The following TSNARE1 variants were observed in gnomAD, a reference collection of about 807,000 sequenced individuals.
TSNARE1 encodes the protein t-SNARE domain-containing protein 1.
In TSNARE1, 49 loss-of-function variants were observed where a neutral mutation model predicts 62.0. The ratio of observed to expected loss-of-function variants is 0.79; its 90% CI spans 0.63 to 1.00. The LOEUF (loss-of-function observed/expected upper bound fraction) is 1.00, where lower values mean the gene tolerates loss of function less well. Ranked by LOEUF, TSNARE1 falls within the 50% of genes least tolerant of loss-of-function variation. TSNARE1 has a pLI of 0.00. For synonymous variants in TSNARE1, 328 were observed against 294.4 expected, an observed-to-expected ratio of 1.11 and a Z score of -1.17; for missense variants, 755 against 700.1, an observed-to-expected ratio of 1.08 and a Z score of -0.88.
At chr8:142,283,590 G>T (rs1822113300) in intron 11 of TSNARE1, among the ~76,000 whole-genome samples, 1 of 137,010 alleles carries the variant, frequency 7.3e-6, no homozygotes, top group Admixed American at 7.1e-5. Context: ...ATGAGCAGAG[G>T]CGGGGTTAGT....
intron 13 of TSNARE1, among the ~76,000 whole-genome samples, chr8:142,216,889 C>T (rs1282683752): frequency 1.3e-5 from 2 of 152,174 alleles, no homozygotes; most frequent in African/African-American, 4.8e-5. Flanking sequence ...ACCGGGGTTT[C>T]AGCCCCCATC....
intron 3 of TSNARE1, among the ~76,000 whole-genome samples, chr8:142,345,000 G>C (rs1031169920): frequency 2.6e-5 from 4 of 152,132 alleles, no homozygotes; most frequent in Admixed American, 1.3e-4. Context: ...GGCCAGCCTC[G>C]ACTTCCCCTC....
At chr8:142,396,744 G>A (rs555709151) in intron 1 of TSNARE1, among the ~76,000 whole-genome samples, 7 of 152,170 alleles carry the variant, frequency 4.6e-5, no homozygotes, top group East Asian at 1.9e-4. Flanking sequence ...TACCACCCCC[G>A]TGACTTCAGG....
At chr8:142,255,917 C>T (rs975181651) in intron 12 of TSNARE1, among the ~76,000 whole-genome samples, 3 of 21,966 alleles carry the variant, frequency 1.4e-4, no homozygotes, top group African/African-American at 1.9e-4. Context: ...ATCACCACCA[C>T]CATCACCATC....
At position 142,352,632 on chromosome 8, in the gene TSNARE1, G is replaced by A. The variant is rs533709670; in HGVS notation, c.88+2005C>T. Among the ~76,000 whole-genome samples the A allele has an allele frequency of 2.7e-4, 41 of 152,370 alleles. No homozygotes were observed. The South Asian group carries it at 8.3e-3, about 31-fold the overall frequency. On this transcript the variant is annotated intron_variant, in intron 2 of 13. Transcript: ENST00000524325. ...CGAAGGAGCCACAGCCACGCGCAAC[G>A]TGGAGGCTCTCAGAACACGATGCGT...
At chr8:142,255,141 C>T (rs1393398870) in intron 12 of TSNARE1, among the ~76,000 whole-genome samples, 2 of 151,964 alleles carry the variant, frequency 1.3e-5, no homozygotes, top group African/African-American at 4.8e-5. Context: ...CAGGTGGGGA[C>T]TCTGTCCCCA....
At chr8:142,279,853 C>T (rs1401394763) in intron 11 of TSNARE1, 1 of 1,029,736 alleles carries the variant, frequency 9.7e-7, no homozygotes, top group Non-Finnish European at 1.2e-6. Context: ...GGGGAAGGCC[C>T]ACTTACTTGG....
intron 1 of TSNARE1, among the ~76,000 whole-genome samples, chr8:142,377,374 G>A (rs1177019840): frequency 6.6e-6 from 1 of 150,606 alleles, no homozygotes; most frequent in Admixed American, 6.6e-5. Context: ...GCTTCTATAA[G>A]TTAAAATGCA....
intron 2 of TSNARE1, 37 bp downstream of exon 2, chr8:142,354,600 C>T: frequency 1.4e-6 from 2 of 1,480,190 alleles, no homozygotes; most frequent in Non-Finnish European, 1.9e-6. Flanking sequence ...ACTACCATCC[C>T]CTCCTCCCCG....
intron 12 of TSNARE1, among the ~76,000 whole-genome samples, chr8:142,256,134 C>T (rs1267897879): frequency 9.9e-5 from 13 of 131,766 alleles, no homozygotes; most frequent in Admixed American, 1.5e-4. Context: ...CCATCATCAC[C>T]GTCACCACCA....
At chr8:142,347,890 A>G (rs977348413) in intron 2 of TSNARE1, among the ~76,000 whole-genome samples, 1 of 152,076 alleles carries the variant, frequency 6.6e-6, no homozygotes, top group Non-Finnish European at 1.5e-5. Context: ...AGGACATGTC[A>G]TCACCTCACC....
At chr8:142,323,232 T>A (rs544376991) in intron 6 of TSNARE1, among the ~76,000 whole-genome samples, 1 of 152,344 alleles carries the variant, frequency 6.6e-6, no homozygotes, top group African/African-American at 2.4e-5. Context: ...AGCTTTTTTT[T>A]AAAGAAATAA....
intron 12 of TSNARE1, among the ~76,000 whole-genome samples, chr8:142,259,766 G>A (rs1366643301): frequency 6.6e-6 from 1 of 152,160 alleles, no homozygotes; most frequent in Non-Finnish European, 1.5e-5. Context: ...CCTGCAACGT[G>A]GCTGCTCCCA....
intron 12 of TSNARE1, among the ~76,000 whole-genome samples, chr8:142,238,527 C>T (rs989284151): frequency 6.6e-6 from 1 of 152,058 alleles, no homozygotes. Context: ...AGCCCCACAC[C>T]TGCTCCACCC....
intron 9 of TSNARE1, among the ~76,000 whole-genome samples, chr8:142,303,187 A>G (rs148939893): frequency 1.6e-3 from 248 of 152,262 alleles, no homozygotes; most frequent in African/African-American, 5.8e-3. Context: ...TCCCAAACTG[A>G]AAGCTGCCTC....
intron 4 of TSNARE1, among the ~76,000 whole-genome samples, chr8:142,343,598 G>A (rs548142412): frequency 2.6e-5 from 4 of 151,756 alleles, no homozygotes; most frequent in East Asian, 2.0e-4. Flanking sequence ...CAAGTCAAAC[G>A]CCAAGCAGGG....
chr8:142,239,306 A>C (rs1271800930), intron 12 of TSNARE1, among the ~76,000 whole-genome samples: 43 of 152,258 alleles, frequency 2.8e-4, no homozygotes. Context: ...CGCCCTTTCC[A>C]CAAGGAGCCT....
intron 6 of TSNARE1, 115 bp downstream of exon 6, chr8:142,330,786 G>A (rs773304479): frequency 3.9e-6 from 4 of 1,031,208 alleles, no homozygotes; most frequent in Non-Finnish European, 5.9e-6. Flanking sequence ...CCAGGCAGCT[G>A]TGCGCAAGCA....
chr8:142,331,685 C>G, intron 5 of TSNARE1, 69 bp downstream of exon 5: 4 of 1,467,998 alleles, frequency 2.7e-6, no homozygotes, highest in Non-Finnish European at 3.7e-6. Flanking sequence ...GCACCCTCGC[C>G]TCCAATGTCG....
Sources: allele counts gnomAD v4.1 joint callset (sites outside exome capture counted in the v4.1 genomes callset), GRCh38; gene constraint gnomAD v4.1.1; transcripts MANE v1.5; gene names NCBI Gene and HGNC (gene_info 2026-07-23, HGNC 2026-07-21).